IFTAP: variants seen among roughly 807,000 people sequenced by gnomAD.
IFTAP encodes the protein intraflagellar transport associated protein, also known as intraflagellar transport-associated protein.
Under a neutral mutation model 19.4 loss-of-function variants are expected in IFTAP, and 19 were observed. The ratio of observed to expected loss-of-function variants is 0.98; its 90% CI spans 0.68 to 1.44. The LOEUF (loss-of-function observed/expected upper bound fraction) is 1.44, where lower values mean the gene tolerates loss of function less well. IFTAP is among the 40% of genes most tolerant of loss of function. The pLI, the probability that IFTAP is intolerant of heterozygous loss-of-function variation, is 0.00. For missense variants in IFTAP, 240 were observed against 253.6 expected (o/e 0.95, Z 0.36); for synonymous variants, 85 against 83.5 (o/e 1.02, Z -0.10).
At position 36,646,708 on chromosome 11, in the gene IFTAP, T is replaced by G. The variant is rs192309482; in HGVS notation, c.359-1308T>G. On this transcript the variant is annotated intron_variant, in intron 4 of 5. Coordinates refer to ENST00000334307, the MANE Select transcript of IFTAP (RefSeq NM_138787.4). ...TAGATAGACTGTCCAGCTCTGCCGT[T>G]TTTAGCTGTGGGATATTGAGTGAGG... 5.9e-5 allele frequency among the ~76,000 whole-genome samples: 9 copies of G among 152,318 alleles called. No individual in the cohort carries two copies. The East Asian group carries it at 1.7e-3, about 29-fold the overall frequency.
At chr11:36,658,476 T>G (rs1222701555) in intron 5 of IFTAP, among the ~76,000 whole-genome samples, 1 of 152,204 alleles carries the variant, frequency 6.6e-6, no homozygotes, top group Non-Finnish European at 1.5e-5. Flanking sequence ...GATCCTGGAC[T>G]TTTAAATTTA....
chr11:36,625,905 C>T (rs1012573993), intron 2 of IFTAP, among the ~76,000 whole-genome samples: 2 of 151,422 alleles, frequency 1.3e-5, no homozygotes, highest in Non-Finnish European at 2.9e-5. Context: ...CAGGGAACAG[C>T]GAGTGCAAAG....
intron 5 of IFTAP, among the ~76,000 whole-genome samples, chr11:36,652,662 C>T (rs1451693443): frequency 6.6e-6 from 1 of 152,048 alleles, no homozygotes; most frequent in African/African-American, 2.4e-5. Context: ...CAGTTTTTGC[C>T]CACTCAGTAT....
intron 4 of IFTAP, among the ~76,000 whole-genome samples, chr11:36,641,660 C>A (rs373237024): frequency 2.0e-5 from 3 of 152,092 alleles, no homozygotes; most frequent in Non-Finnish European, 4.4e-5. Flanking sequence ...AATTTCTGTT[C>A]TTTTACATTT....
intron 2 of IFTAP, among the ~76,000 whole-genome samples, chr11:36,619,691 G>A (rs1048411266): frequency 2.6e-5 from 4 of 152,014 alleles, no homozygotes; most frequent in East Asian, 1.9e-4. Flanking sequence ...AGTTGGAAAC[G>A]AACTGACCAG....
rs146707354 is a variant in IFTAP, at chr11:36,656,948, G to A, written c.499-2071G>A. Among the ~76,000 whole-genome samples the A allele has an allele frequency of 3.0e-3, 462 of 152,240 alleles. 3 individuals are homozygous for A. The highest frequency in any genetic ancestry group is 5.4e-3 in the Non-Finnish European group (369 of 68,014). On this transcript the variant is annotated intron_variant, in intron 5 of 5. Coordinates refer to ENST00000334307, the MANE Select transcript of IFTAP (RefSeq NM_138787.4). ...TAAGTGAGAGGTGGGTGAAGACAAA[G>A]TGACTGCATCTAGTGAGGATGGCTA... is the stretch of plus-strand genomic sequence containing the variant.
chr11:36,616,538 G>T (rs1371526124), intron 2 of IFTAP, among the ~76,000 whole-genome samples: 3 of 151,926 alleles, frequency 2.0e-5, no homozygotes, highest in Non-Finnish European at 4.4e-5. Flanking sequence ...ATTGCTGGAG[G>T]ACTGGCCTTT....
chr11:36,648,291 C>T (rs1243607609), intron 5 of IFTAP, 136 bp downstream of exon 5: 13 of 1,035,028 alleles, frequency 1.3e-5, no homozygotes, highest in Non-Finnish European at 1.7e-5. Flanking sequence ...ATTGGTCCCT[C>T]TCACAGCCAT....
intron 5 of IFTAP, 197 bp downstream of exon 5, chr11:36,648,352 T>G: frequency 1.5e-6 from 1 of 651,896 alleles, no homozygotes; most frequent in East Asian, 2.9e-5. Flanking sequence ...AATTATGTTT[T>G]TATGTGGAAA....
chr11:36,605,184 A>G (rs1851647028), intron 1 of IFTAP, among the ~76,000 whole-genome samples: 1 of 152,106 alleles, frequency 6.6e-6, no homozygotes, highest in Non-Finnish European at 1.5e-5. Context: ...CTTTCAGTAT[A>G]GCAGTAGATT....
In IFTAP at chr11:36,623,790, T is replaced by G. The variant is rs536112799; in HGVS notation, c.137-9494T>G. ...TTTCAGGAAATGCCCCTCCAATCAT[T>G]TCGCTGTTTCTGGTAACTTTTCTGT... On this transcript the variant is annotated intron_variant, in intron 2 of 5. Coordinates refer to ENST00000334307, the MANE Select transcript of IFTAP (RefSeq NM_138787.4). Among the ~76,000 whole-genome samples, 25 of 152,288 alleles carry G rather than the reference T, an allele frequency of 1.6e-4. No individual in the cohort carries two copies. In the South Asian group the frequency reaches 4.1e-3, roughly 25 times the overall value.
chr11:36,631,274 G>A (rs1291568216), intron 2 of IFTAP, among the ~76,000 whole-genome samples: 1 of 151,592 alleles, frequency 6.6e-6, no homozygotes, highest in East Asian at 1.9e-4. Flanking sequence ...TGCTGGTGCA[G>A]TAGGCAGTAG....
chr11:36,633,552 A>C (rs1338341730), intron 3 of IFTAP, 114 bp downstream of exon 3: 1 of 817,954 alleles, frequency 1.2e-6, no homozygotes, highest in Non-Finnish European at 1.7e-6. Context: ...TGTAATTCCT[A>C]ATTCTAGAAG....
In IFTAP at chr11:36,627,205, A is replaced by T. The variant is rs895752026; in HGVS notation, c.137-6079A>T. On this transcript the variant is annotated intron_variant, in intron 2 of 5. Coordinates refer to ENST00000334307, the MANE Select transcript of IFTAP (RefSeq NM_138787.4). ...GAGTAGGAACAGGGAGTGACTGCAGATGGGCTCCAGGCACCTTTTTGGGGT... is the reference window on the plus strand; with the variant it reads ...GAGTAGGAACAGGGAGTGACTGCAGTTGGGCTCCAGGCACCTTTTTGGGGT... 1.4e-4 allele frequency among the ~76,000 whole-genome samples: 21 copies of T among 151,198 alleles called. 1 individual carries two copies. The highest frequency in any genetic ancestry group is 4.4e-4 in the African/African-American group (18 of 40,514).
At position 36,659,040 on chromosome 11, in the gene IFTAP, C is replaced by CT; in HGVS notation, c.526dup (p.Ser176PhefsTer3). On this transcript the variant is annotated frameshift_variant, in exon 6 of 6. Transcript: ENST00000334307. LOFTEE classifies it low-confidence loss of function (END_TRUNC). ...ATAGATACTTGGAGATGAAGTTCAA[C>CT]TTTTTTCACTTGATGAAGAATTTGA... 2 of 1,599,412 alleles carry CT rather than the reference C, an allele frequency of 1.3e-6. No homozygotes were observed. Among genetic ancestry groups the CT allele is most frequent in the Non-Finnish European group, 1.7e-6 (2 of 1,173,334 alleles).
At position 36,607,151 on chromosome 11, in the gene IFTAP, T is replaced by G. The variant is rs1851723208; in HGVS notation, c.-23-2930T>G. Among the ~76,000 whole-genome samples the G allele has an allele frequency of 1.3e-5, 2 of 152,218 alleles. 1 individual carries two copies. The highest frequency in any genetic ancestry group is 4.1e-4 in the South Asian group (2 of 4,834). On this transcript the variant is annotated intron_variant, in intron 1 of 5. Coordinates refer to ENST00000334307, the MANE Select transcript of IFTAP (RefSeq NM_138787.4). ...ACATGAGGAATTATCTTGATTTATCTTTAGGTAACATCGCTGCCTTCAAAG... is the reference window on the plus strand; with the variant it reads ...ACATGAGGAATTATCTTGATTTATCGTTAGGTAACATCGCTGCCTTCAAAG...
intron 2 of IFTAP, among the ~76,000 whole-genome samples, chr11:36,613,313 C>A (rs1851942556): frequency 6.6e-6 from 1 of 151,734 alleles, no homozygotes; most frequent in Admixed American, 6.6e-5. Context: ...AAAAAGGCTT[C>A]TTTCTTCTTG....
At chr11:36,644,552 A>C (rs74679743) in intron 4 of IFTAP, among the ~76,000 whole-genome samples, 15 of 152,306 alleles carry the variant, frequency 9.8e-5, no homozygotes, top group African/African-American at 3.6e-4. Context: ...ATGCACACGT[A>C]TGTTCATTGT....
intron 1 of IFTAP, among the ~76,000 whole-genome samples, chr11:36,601,930 G>A (rs1339376082): frequency 1.3e-5 from 2 of 152,156 alleles, no homozygotes; most frequent in Non-Finnish European, 1.5e-5. Context: ...GGGGTTACAG[G>A]CACGAACTGT....
Sources: allele counts gnomAD v4.1 joint callset (sites outside exome capture counted in the v4.1 genomes callset), GRCh38; gene constraint gnomAD v4.1.1; transcripts MANE v1.5; gene names NCBI Gene and HGNC (gene_info 2026-07-23, HGNC 2026-07-21).